Variants in CDH18 observed in about 807,000 individuals in gnomAD.
CDH18 encodes cadherin-18.
CDH18 carries 31 observed loss-of-function variants against 67.9 expected under a neutral mutation model. That is an observed-to-expected ratio of 0.46 (90% CI 0.34 to 0.62). The LOEUF (loss-of-function observed/expected upper bound fraction) is 0.62. CDH18 is among the 20% of genes least tolerant of loss of function. The pLI, the probability that CDH18 is intolerant of heterozygous loss-of-function variation, is 0.01. For missense variants in CDH18, 890 were observed against 975.5 expected (o/e 0.91, Z 1.17); for synonymous variants, 362 against 347.2 (o/e 1.04, Z -0.48).
At chr5:20,537,203 T>C (rs1044294532) in intron 1 of CDH18, among the ~76,000 whole-genome samples, 5 of 152,178 alleles carry the variant, frequency 3.3e-5, no homozygotes, top group African/African-American at 1.2e-4. Flanking sequence ...ATTTCCTGTT[T>C]ATCTTCTATC....
chr5:20,194,680 G>A (rs1738828214), intron 2 of CDH18, among the ~76,000 whole-genome samples: 1 of 151,414 alleles, frequency 6.6e-6, no homozygotes, highest in African/African-American at 2.4e-5. Context: ...AAAAAGAATG[G>A]TTTTGCATCT....
intron 2 of CDH18, among the ~76,000 whole-genome samples, chr5:20,117,355 C>T (rs937428306): frequency 6.6e-6 from 1 of 152,004 alleles, no homozygotes; most frequent in Non-Finnish European, 1.5e-5. Flanking sequence ...TGACTAATTT[C>T]CCTTCAATTA....
intron 2 of CDH18, among the ~76,000 whole-genome samples, chr5:20,241,788 C>A (rs1056993975): frequency 2.0e-5 from 3 of 150,318 alleles, no homozygotes; most frequent in Admixed American, 2.0e-4. Flanking sequence ...GAAGGCGGGG[C>A]TTGCAGTGAG....
chr5:19,787,581 T>C (rs1039981839), intron 3 of CDH18, among the ~76,000 whole-genome samples: 2 of 152,116 alleles, frequency 1.3e-5, no homozygotes, highest in African/African-American at 4.8e-5. Flanking sequence ...ATAAGAAGAC[T>C]AAGCTATTGT....
intron 1 of CDH18, among the ~76,000 whole-genome samples, chr5:20,468,794 GGTTGT>G (rs532878357): frequency 1.3e-3 from 192 of 152,230 alleles, no homozygotes; most frequent in Non-Finnish European, 2.4e-3. Context: ...TTGATTGAAC[GGTTGT>G]GTTAAGTAGG....
At chr5:19,838,673 T>A (rs904052355) in intron 3 of CDH18, 86 bp downstream of exon 3, 1 of 857,034 alleles carries the variant, frequency 1.2e-6, no homozygotes, top group African/African-American at 1.7e-5. Context: ...CATTTGTCTA[T>A]CTCTTCAAAT....
At chr5:19,958,251 T>C (rs763133281) in intron 2 of CDH18, among the ~76,000 whole-genome samples, 1 of 151,612 alleles carries the variant, frequency 6.6e-6, no homozygotes, top group Non-Finnish European at 1.5e-5. Context: ...ACCATTGATC[T>C]AAGCCATGTT....
At chr5:19,530,794 T>C (rs1246208028) in intron 9 of CDH18, among the ~76,000 whole-genome samples, 2 of 152,250 alleles carry the variant, frequency 1.3e-5, no homozygotes, top group South Asian at 2.1e-4. Flanking sequence ...TAGTATTCCA[T>C]GGTGTATATG....
rs577947907 is a variant in CDH18 at position 19,618,750 on chromosome 5, G to T, written c.644-6149C>A. On this transcript the variant is annotated intron_variant, in intron 5 of 12. Transcript: ENST00000382275. Reference sequence around the variant, plus strand: ...GTGACAAGTTGCCCCAGAGATTCTTGTGAATGTACAAATTTGAAATATCTA... The same window carrying T: ...GTGACAAGTTGCCCCAGAGATTCTTTTGAATGTACAAATTTGAAATATCTA... Among the ~76,000 whole-genome samples the T allele has an allele frequency of 2.0e-5, 3 of 152,122 alleles. No individual in the cohort carries two copies. The South Asian group carries it at 6.2e-4, about 31-fold the overall frequency.
In CDH18 at chr5:19,472,846, G is replaced by A. The variant is rs1737770202; in HGVS notation, c.*380C>T. ...TGTATTAGTGTTACCACCCCTATAAGTCATAACCACCAGTGATCTTGAGCC... is the reference window on the plus strand; with the variant it reads ...TGTATTAGTGTTACCACCCCTATAAATCATAACCACCAGTGATCTTGAGCC... On this transcript the variant is annotated 3_prime_UTR_variant, in exon 13 of 13. Coordinates refer to ENST00000382275, the MANE Select transcript of CDH18 (RefSeq NM_004934.5). 1 of 180,744 alleles carries A rather than the reference G, an allele frequency of 5.5e-6. No individual in the cohort carries two copies. The highest frequency in any genetic ancestry group is 1.1e-4 in the South Asian group (1 of 8,924). 11.2% of individuals were successfully genotyped at this position (180,744 alleles called of 1,614,324 possible). A position where few individuals can be genotyped will look rare whatever the true frequency, so the allele number is the denominator to read the frequency against.
At chr5:19,503,209 TC>T (rs1743550576) in intron 10 of CDH18, 100 bp from the exon 11 acceptor site, 2 of 635,168 alleles carry the variant, frequency 3.1e-6, no homozygotes, top group African/African-American at 3.8e-5. Flanking sequence ...TTTTAAAGGA[TC>T]TTTTCTTCCA....
chr5:20,422,619 TC>T (rs1251082284), intron 1 of CDH18, among the ~76,000 whole-genome samples: 3 of 151,126 alleles, frequency 2.0e-5, no homozygotes, highest in African/African-American at 4.9e-5. Context: ...AAATATTGTT[TC>T]TTATTCTTTG....
chr5:19,845,307 A>G (rs190216100), intron 2 of CDH18, among the ~76,000 whole-genome samples: 147 of 152,176 alleles, frequency 9.7e-4, no homozygotes, highest in East Asian at 4.4e-3. Context: ...TAATTTCTAC[A>G]TATTTACAAA....
intron 3 of CDH18, among the ~76,000 whole-genome samples, chr5:19,748,042 G>A (rs1162314761): frequency 9.9e-5 from 14 of 141,098 alleles, no homozygotes; most frequent in African/African-American, 3.7e-4. Context: ...GAACCTGGGA[G>A]GCGGAGCTTG....
At chr5:20,201,466 G>T (rs1459913845) in intron 2 of CDH18, among the ~76,000 whole-genome samples, 1 of 151,986 alleles carries the variant, frequency 6.6e-6, no homozygotes, top group African/African-American at 2.4e-5. Flanking sequence ...ATATGAGCAT[G>T]GGGTATTACT....
intron 5 of CDH18, among the ~76,000 whole-genome samples, chr5:19,719,934 AAAGAAAG>A (rs1313494370): frequency 1.3e-5 from 2 of 151,296 alleles, no homozygotes; most frequent in Non-Finnish European, 2.9e-5. Context: ...AGAAAGAAAG[AAAGAAAG>A]AAAGAAAGAA....
chr5:19,737,840 T>C (rs1768553920), intron 4 of CDH18, among the ~76,000 whole-genome samples: 1 of 152,210 alleles, frequency 6.6e-6, no homozygotes, highest in African/African-American at 2.4e-5. Flanking sequence ...CATCGACTGA[T>C]TAATATTTTT....
chr5:19,552,748 G>A (rs1402465586), intron 8 of CDH18, among the ~76,000 whole-genome samples: 1 of 152,096 alleles, frequency 6.6e-6, no homozygotes, highest in African/African-American at 2.4e-5. Flanking sequence ...CCCTCTAACT[G>A]GACAAGTCCC....
intron 2 of CDH18, among the ~76,000 whole-genome samples, chr5:20,140,983 A>G (rs1009004833): frequency 6.6e-6 from 1 of 152,140 alleles, no homozygotes. Context: ...GGATGCCACA[A>G]TGCATTTGCA....
Sources: allele counts gnomAD v4.1 joint callset (sites outside exome capture counted in the v4.1 genomes callset), GRCh38; gene constraint gnomAD v4.1.1; transcripts MANE v1.5; gene names NCBI Gene and HGNC (gene_info 2026-07-23, HGNC 2026-07-21).